The following PIAS3 variants were observed in gnomAD, a reference collection of about 807,000 sequenced individuals.
The protein encoded by PIAS3 is E3 SUMO-protein ligase PIAS3.
PIAS3 carries 34 observed loss-of-function variants against 67.6 expected under a neutral mutation model. The observed-to-expected ratio is 0.50, with a 90% confidence interval of 0.38 to 0.67. The LOEUF (loss-of-function observed/expected upper bound fraction) is 0.67. PIAS3 is among the 30% of genes least tolerant of loss of function. PIAS3 has a pLI of 0.00. For synonymous variants in PIAS3, 341 were observed against 313.8 expected (o/e 1.09, Z -0.92); for missense variants, 693 against 791.6 (o/e 0.88, Z 1.49).
At position 145,848,767 on chromosome 1, in the gene PIAS3, A is replaced by C; in HGVS notation, c.*679T>G. The stretch of plus-strand genomic sequence containing the variant: ...AACTTAGATATATAAATAGAGAGAG[A>C]CCCAAGCAATAGGCCGGGCCTGACT... On this transcript the variant is annotated 3_prime_UTR_variant, in exon 14 of 14. Transcript: ENST00000393045. 1.7e-5 allele frequency: 5 copies of C among 295,568 alleles called. No individual in the cohort carries two copies. The highest frequency in any genetic ancestry group is 7.1e-5 in the South Asian group (1 of 14,028). The allele number at this position is 295,568 out of a possible 1,614,324, so 18.3% of individuals were successfully genotyped here. A position where few individuals can be genotyped will look rare whatever the true frequency, so the allele number is the denominator to read the frequency against.
At position 145,856,627 on chromosome 1, in the gene PIAS3, T is replaced by C. The variant is rs781818284; in HGVS notation, c.404A>G (p.Tyr135Cys). The C allele has an allele frequency of 7.0e-6, 11 of 1,574,344 alleles. No individual in the cohort carries two copies. In the East Asian group the frequency reaches 9.0e-5, roughly 13 times the overall value. The change falls in exon 2 of 14, where the codon TAT becomes TGT. Residue 135 changes from tyrosine to cysteine, a missense_variant. Coordinates refer to ENST00000393045, the MANE Select transcript of PIAS3 (RefSeq NM_006099.3). The part of the protein sequence containing the change: ...PDVTMKPLPF[Y>C]EVYGELIRPT... ...CCGGATGAGCTCCCCATAGACTTCA[T>C]AGAAGGGCAATGGTTTCATGGTGAC...
Position 145,859,035 on chromosome 1 carries a change from C to T in PIAS3, c.-45G>A, listed in dbSNP as rs782637822. ...CCCAGCCGGAGCCGGAGCTCAGGCC[C>T]AGGGACCGGCGCACAACTCTCCACC... On this transcript the variant is annotated 5_prime_UTR_variant, in exon 1 of 14. Coordinates refer to ENST00000393045, the MANE Select transcript of PIAS3 (RefSeq NM_006099.3). The T allele has an allele frequency of 9.1e-6, 14 of 1,535,872 alleles. No individual in the cohort carries two copies. In the Admixed American group the frequency reaches 1.2e-4, roughly 14 times the overall value.
At chr1:145,858,171 G>A (rs1653269443) in intron 1 of PIAS3, among the ~76,000 whole-genome samples, 1 of 152,074 alleles carries the variant, frequency 6.6e-6, no homozygotes, top group South Asian at 2.1e-4. Context: ...GTCATGTGCA[G>A]GGCTTGCTAG....
In PIAS3 at chr1:145,858,981, G is replaced by C; in HGVS notation, c.10C>G (p.Leu4Val). The C allele has an allele frequency of 2.6e-6, 4 of 1,543,730 alleles. No homozygotes were observed. The South Asian group carries it at 4.8e-5, about 19-fold the overall frequency. The change falls in exon 1 of 14, where the codon CTG becomes GTG. Residue 4 changes from leucine to valine, a missense_variant. Leu to Val is a conservative substitution (Grantham distance 32, BLOSUM62 1). Transcript: ENST00000393045. ...GGGGCCGGTACCTTTAATTCGCCCA[G>C]CTCCGCCATCTTGAGACATCGCAGG... MAELGELKHMVMSF... is the reference protein window; with the variant it reads MAEVGELKHMVMSF...
rs1192580785 is a variant in PIAS3 at position 145,854,568 on chromosome 1, T to A, written c.805-5A>T. 1.2e-6 allele frequency: 2 copies of A among 1,609,174 alleles called. No individual in the cohort carries two copies. The highest frequency in any genetic ancestry group is 2.7e-5 in the African/African-American group (2 of 74,798). On this transcript the variant is annotated splice_region_variant and splice_polypyrimidine_tract_variant and intron_variant, in intron 6 of 13. Coordinates refer to ENST00000393045, the MANE Select transcript of PIAS3 (RefSeq NM_006099.3). ...GTACACAGACAAGGAGTAATTCTACTTGGAGGCAGGGGGTAGACAATTAGC... is the reference window on the plus strand; with the variant it reads ...GTACACAGACAAGGAGTAATTCTACATGGAGGCAGGGGGTAGACAATTAGC...
In PIAS3 at chr1:145,848,545, G is replaced by A; in HGVS notation, c.*901C>T. ...CAGAACATTCACAACCTTTATTATG[G>A]GTGAGAGCTTCACTACAACTTTAGA... On this transcript the variant is annotated 3_prime_UTR_variant, in exon 14 of 14. Coordinates refer to ENST00000393045, the MANE Select transcript of PIAS3 (RefSeq NM_006099.3). The A allele has an allele frequency of 9.3e-7, 1 of 1,073,596 alleles. No individual in the cohort carries two copies. Among genetic ancestry groups the A allele is most frequent in the Non-Finnish European group, 1.4e-6 (1 of 710,380 alleles). 66.5% of individuals were successfully genotyped at this position (1,073,596 alleles called of 1,614,324 possible). A position where few individuals can be genotyped will look rare whatever the true frequency, so the allele number is the denominator to read the frequency against.
Position 145,848,531 on chromosome 1 carries a change from C to T in PIAS3, c.*915G>A. 2 of 1,248,714 alleles carry T rather than the reference C, an allele frequency of 1.6e-6. No individual in the cohort carries two copies. Among genetic ancestry groups the T allele is most frequent in the African/African-American group, 1.5e-5 (1 of 67,294 alleles). 77.4% of individuals were successfully genotyped at this position (1,248,714 alleles called of 1,614,324 possible). On this transcript the variant is annotated 3_prime_UTR_variant, in exon 14 of 14. Coordinates refer to ENST00000393045, the MANE Select transcript of PIAS3 (RefSeq NM_006099.3). ...CTCCATGACACTCACAGAACATTCA[C>T]AACCTTTATTATGGGTGAGAGCTTC...
At chr1:145,857,125 A>T (rs1255430441) in intron 1 of PIAS3, 119 bp from the exon 2 acceptor site, 3 of 855,938 alleles carry the variant, frequency 3.5e-6, no homozygotes, top group African/African-American at 1.7e-5. Flanking sequence ...GGGAAAGATG[A>T]TGCTTCGCAG....
chr1:145,858,653 C>A (rs1370783007), intron 1 of PIAS3, among the ~76,000 whole-genome samples: 7 of 150,732 alleles, frequency 4.6e-5, no homozygotes, highest in Non-Finnish European at 1.5e-5. Flanking sequence ...GCACCTTTTC[C>A]CCCTGGCCCT....
intron 9 of PIAS3, among the ~76,000 whole-genome samples, chr1:145,852,318 T>C (rs587645826): frequency 2.6e-5 from 4 of 152,168 alleles, no homozygotes; most frequent in African/African-American, 9.6e-5. Flanking sequence ...TAATGTAGAT[T>C]CCAAAAAGAG....
At chr1:145,852,979 CT>C (rs1454096920) in intron 9 of PIAS3, among the ~76,000 whole-genome samples, 1 of 152,020 alleles carries the variant, frequency 6.6e-6, no homozygotes, top group East Asian at 1.9e-4. Context: ...TGCCCTCCCC[CT>C]CCACACACAT....
intron 1 of PIAS3, 109 bp from the exon 2 acceptor site, chr1:145,857,115 G>A (rs1455497147): frequency 9.7e-6 from 9 of 924,372 alleles, no homozygotes; most frequent in Non-Finnish European, 1.5e-5. Flanking sequence ...CAGCACTGAT[G>A]GGAAAGATGA....
chr1:145,850,555 C>A lies in PIAS3; in HGVS notation c.1480G>T (p.Val494Leu). ...VLTSGHQPSS[V>L]LRSPAMGTLG... ...GTGCCCATAGCAGGGCTCCTTAGCA[C>A]CGAGGATGGCTGGTGGCCAGATGTC... Residue 494 changes from valine (V) to leucine (L), a missense_variant, in exon 12 of 14, where the codon GTG (valine) becomes TTG (leucine). Transcript: ENST00000393045. 6.2e-7 allele frequency: 1 copy of A among 1,614,238 alleles called. No homozygotes were observed. Among genetic ancestry groups the A allele is most frequent in the South Asian group, 1.1e-5 (1 of 91,080 alleles).
In PIAS3 at chr1:145,849,710, G is replaced by A. The variant is rs1172203743; in HGVS notation, c.1623C>T (p.His541=). ...GTGAGGTGATGACAGAGGGGCCATA[G>A]TGCTAGGAAGAATCAAGGGCATAGT... ...LFSFLQTESQ[H]YGPSVITSLD... Residue 541 remains histidine (H), a splice_region_variant and synonymous_variant, in exon 14 of 14, where the codon CAC becomes CAT. Coordinates refer to ENST00000393045, the MANE Select transcript of PIAS3 (RefSeq NM_006099.3). 1.3e-6 allele frequency: 2 copies of A among 1,581,410 alleles called. No individual in the cohort carries two copies. The highest frequency in any genetic ancestry group is 1.7e-6 in the Non-Finnish European group (2 of 1,164,512).
At chr1:145,854,287 T>C (rs1327989369) in intron 7 of PIAS3, 171 bp downstream of exon 7, 1 of 615,130 alleles carries the variant, frequency 1.6e-6, no homozygotes, top group Non-Finnish European at 2.9e-6. Flanking sequence ...GTGGTCCAAC[T>C]TCAACTATAA....
chr1:145,856,487 C>T (rs1653191527), intron 2 of PIAS3, 56 bp from the exon 3 acceptor site: 26 of 1,596,976 alleles, frequency 1.6e-5, no homozygotes, highest in Middle Eastern at 1.7e-4. Flanking sequence ...CCACAGAAAT[C>T]GCCCCCATCC....
In PIAS3 at chr1:145,849,613, C is replaced by A. The variant is rs781848474; in HGVS notation, c.1720G>T (p.Ala574Ser). ...CAGTGGGAGCTCCCCAGCGTGGGGG[C>A]CAGTGGGCCCAGAAAGTGAGAAGGG... ...GTPSHFLGPL[A>S]PTLGSSHCSA... The change falls in exon 14 of 14, where the codon GCC (alanine) becomes TCC (serine). Residue 574 changes from alanine to serine, a missense_variant. Ala to Ser is a moderately conservative substitution (Grantham distance 99). Around this residue, in one of 3 missense-constraint regions of PIAS3, gnomAD observed 270 missense variants for 261.0 expected, o/e 1.03. Coordinates refer to ENST00000393045, the MANE Select transcript of PIAS3 (RefSeq NM_006099.3). 6.2e-7 allele frequency: 1 copy of A among 1,613,206 alleles called. No homozygotes were observed. The highest frequency in any genetic ancestry group is 1.1e-5 in the South Asian group (1 of 90,910).
At chr1:145,854,959 T>C in intron 5 of PIAS3, 79 bp from the exon 6 acceptor site, 1 of 1,542,884 alleles carries the variant, frequency 6.5e-7, no homozygotes, top group Non-Finnish European at 8.9e-7. Context: ...ATATCTTGTC[T>C]CGGGTTATTC....
In PIAS3 at chr1:145,856,556, T is replaced by G. The variant is rs374002362; in HGVS notation, c.442+33A>C. ...AAATGTTTGGGGAACAGGTAGGGAG[T>G]CCAGAAGACTAAGGGACCACAAAGA... is the stretch of plus-strand genomic sequence containing the variant. On this transcript the variant is annotated intron_variant, in intron 2 of 13. Coordinates refer to ENST00000393045, the MANE Select transcript of PIAS3 (RefSeq NM_006099.3). The G allele has an allele frequency of 5.5e-4, 874 of 1,582,296 alleles. 1 individual carries two copies. Among genetic ancestry groups the G allele is most frequent in the Non-Finnish European group, 7.2e-4 (832 of 1,162,380 alleles).
Sources: allele counts gnomAD v4.1 joint callset (sites outside exome capture counted in the v4.1 genomes callset), GRCh38; gene constraint gnomAD v4.1.1; regional missense constraint gnomAD v4.1.1; transcripts MANE v1.5; gene names NCBI Gene and HGNC (gene_info 2026-07-23, HGNC 2026-07-21).